The following SV2B variants were observed in gnomAD, a reference collection of about 807,000 sequenced individuals.
The protein encoded by SV2B is synaptic vesicle glycoprotein 2B, also known as solute carrier family 22 member B2.
Under a neutral mutation model 73.9 loss-of-function variants are expected in SV2B, and 41 were observed. The observed-to-expected ratio is 0.56, with a 90% CI of 0.43 to 0.72. The LOEUF is 0.72. Ranked by LOEUF, SV2B falls within the 30% of genes least tolerant of loss-of-function variation. SV2B has a pLI of 0.00. For missense variants in SV2B, 764 were observed against 857.8 expected (o/e 0.89, Z 1.37); for synonymous variants, 314 against 314.2 (o/e 1.00, Z 0.01).
In SV2B at chr15:91,218,331, G is replaced by T. The variant is rs2046103810; in HGVS notation, c.-391-7542G>T. On this transcript the variant is annotated intron_variant, in intron 1 of 12. Coordinates refer to ENST00000394232, the MANE Select transcript of SV2B (RefSeq NM_001323032.3). ...TATTCTTTTCCTGTGGGTATAGGGT[G>T]GGCACTTCTGGAATGAAGATTTTAT... Among the ~76,000 whole-genome samples, 3 of 152,212 alleles carry T rather than the reference G, an allele frequency of 2.0e-5. No homozygotes were observed. In the South Asian group the frequency reaches 6.2e-4, roughly 32 times the overall value.
rs1251718061 is a variant in SV2B, at chr15:91,105,521, G to C, written c.-392+5158G>C. ...GAGAAGAGATCAGAGAAGTAGCAGG[G>C]AGCCAGCTAATAGAAGGTCCTGTAG... is the stretch of plus-strand genomic sequence containing the variant. On this transcript the variant is annotated intron_variant, in intron 1 of 12. Coordinates refer to ENST00000394232, the MANE Select transcript of SV2B (RefSeq NM_001323032.3). The surrounding 1 kb of genome is among the most constrained non-coding windows in gnomAD (Gnocchi z 5.5). Among the ~76,000 whole-genome samples the C allele has an allele frequency of 6.6e-6, 1 of 152,172 alleles. No homozygotes were observed. The highest frequency in any genetic ancestry group is 1.9e-4 in the East Asian group (1 of 5,194).
rs1399773884 is a variant in SV2B at position 91,280,742 on chromosome 15, GT to G, written c.1374-982del. ...GGTGCCTTATTGTCTTTTTAACTGAGTTTTAAAAAAAAGTGAACACATAATA... is the reference window on the plus strand; with the variant it reads ...GGTGCCTTATTGTCTTTTTAACTGAGTTTAAAAAAAAGTGAACACATAATA... On this transcript the variant is annotated intron_variant, in intron 9 of 12. Transcript: ENST00000394232. This position sits in a 1 kb window ranked among gnomAD's most constrained non-coding sequence, Gnocchi z 5.8. Among the ~76,000 whole-genome samples the G allele has an allele frequency of 6.6e-6, 1 of 152,090 alleles. No homozygotes were observed. Among genetic ancestry groups the G allele is most frequent in the Non-Finnish European group, 1.5e-5 (1 of 68,010 alleles).
At chr15:91,260,777 C>T (rs566228757) in intron 6 of SV2B, among the ~76,000 whole-genome samples, 5 of 152,190 alleles carry the variant, frequency 3.3e-5, no homozygotes, top group South Asian at 2.1e-4. Flanking sequence ...AGAATCATGG[C>T]GGGAGGCGAA....
intron 1 of SV2B, among the ~76,000 whole-genome samples, chr15:91,210,998 G>T: frequency 6.6e-6 from 1 of 152,226 alleles, no homozygotes. Context: ...ATCAATGCCT[G>T]CCATTGATGA....
chr15:91,104,853 A>T (rs2041836738), intron 1 of SV2B, among the ~76,000 whole-genome samples: 1 of 152,134 alleles, frequency 6.6e-6, no homozygotes, highest in Non-Finnish European at 1.5e-5. Context: ...GCTGGTCTCA[A>T]ACTCCTGACC....
intron 1 of SV2B, among the ~76,000 whole-genome samples, chr15:91,134,003 C>CGTTTTTTTTTTTT (rs1567278795): frequency 2.0e-5 from 1 of 49,318 alleles, no homozygotes; most frequent in Non-Finnish European, 4.0e-5. Context: ...TTTCTTTCTT[C>CGTTTTTTTTTTTT]CTTTTTTTTT....
Position 91,289,670 on chromosome 15 carries a change from A to G in SV2B, c.1858A>G (p.Thr620Ala), listed in dbSNP as rs771308440. 9 of 1,612,826 alleles carry G rather than the reference A, an allele frequency of 5.6e-6. No homozygotes were observed. The East Asian group carries it at 1.8e-4, about 32-fold the overall frequency. ...LDVITVELYP[T>A]NQRATAFGIL... ...TGTGATCACAGTGGAGCTGTATCCC[A>G]CCAACCAGAGGTCAGTTCTTCCCCA... The change falls in exon 12 of 13, where the codon ACC becomes GCC. Residue 620 changes from threonine (T) to alanine (A), a missense_variant. By Grantham distance (58) the Thr-to-Ala change is moderately conservative (BLOSUM62 0). Transcript: ENST00000394232. The surrounding 1 kb of genome is among the most constrained non-coding windows in gnomAD (Gnocchi z 4.9).
chr15:91,187,711 A>G (rs1205154956), intron 1 of SV2B, among the ~76,000 whole-genome samples: 2 of 151,878 alleles, frequency 1.3e-5, no homozygotes, highest in African/African-American at 4.8e-5. Context: ...CCTTGCTGCA[A>G]TGATAAGTAG....
intron 1 of SV2B, among the ~76,000 whole-genome samples, chr15:91,119,681 A>G (rs2042273675): frequency 6.6e-6 from 1 of 152,246 alleles, no homozygotes; most frequent in Non-Finnish European, 1.5e-5. Flanking sequence ...GTTGCATTGT[A>G]GAAAGCTTGT....
intron 1 of SV2B, among the ~76,000 whole-genome samples, chr15:91,159,721 A>G (rs898260976): frequency 6.6e-6 from 1 of 152,220 alleles, no homozygotes; most frequent in Non-Finnish European, 1.5e-5. Context: ...ATGAAAATAA[A>G]TGATTTGACT....
In SV2B at chr15:91,267,654, TCTTA is replaced by T. The variant is rs760766931; in HGVS notation, c.1208+16_1208+19del. The stretch of plus-strand genomic sequence containing the variant: ...TGCCATGGCATTCAGGTAAGTTCTG[TCTTA>T]CTTAAATTTCGTAATTCCCTGTGCC... On this transcript the variant is annotated intron_variant, in intron 8 of 12. Transcript: ENST00000394232. The surrounding 1 kb of genome is among the most constrained non-coding windows in gnomAD (Gnocchi z 4.3). 6 of 1,606,688 alleles carry T rather than the reference TCTTA, an allele frequency of 3.7e-6. No individual in the cohort carries two copies. The highest frequency in any genetic ancestry group is 5.1e-6 in the Non-Finnish European group (6 of 1,175,490).
At position 91,301,916 on chromosome 15, in the gene SV2B, C is replaced by T. The variant is rs1125405; in HGVS notation, c.*9364C>T. 6.5e-3 allele frequency among the ~76,000 whole-genome samples: 997 copies of T among 152,278 alleles called. 3 individuals carry two copies. Among genetic ancestry groups the T allele is most frequent in the Non-Finnish European group, 0.011 (724 of 68,012 alleles). On this transcript the variant is annotated 3_prime_UTR_variant, in exon 13 of 13. Coordinates refer to ENST00000394232, the MANE Select transcript of SV2B (RefSeq NM_001323032.3). The surrounding 1 kb of genome is among the most constrained non-coding windows in gnomAD (Gnocchi z 4.3). ...TGGATTTGGATTTGGAATGCTCAACCTGTTTTCAGAGTCAGAGCCAAGTTC... is the reference window on the plus strand; with the variant it reads ...TGGATTTGGATTTGGAATGCTCAACTTGTTTTCAGAGTCAGAGCCAAGTTC...
At chr15:91,168,386 G>A (rs1251149328) in intron 1 of SV2B, among the ~76,000 whole-genome samples, 3 of 151,608 alleles carry the variant, frequency 2.0e-5, no homozygotes. Context: ...TCTGGCCAAT[G>A]AGTAGGATTT....
intron 9 of SV2B, among the ~76,000 whole-genome samples, chr15:91,270,056 G>A (rs1440598391): frequency 6.6e-6 from 1 of 152,124 alleles, no homozygotes; most frequent in Admixed American, 6.5e-5. Context: ...TGCCAAGGAA[G>A]AAATATCACC....
rs544722878 is a variant in SV2B at position 91,201,047 on chromosome 15, A to G, written c.-391-24826A>G. 3.0e-4 allele frequency among the ~76,000 whole-genome samples: 45 copies of G among 152,326 alleles called. No individual in the cohort carries two copies. In the South Asian group the frequency reaches 9.1e-3, roughly 31 times the overall value. The stretch of plus-strand genomic sequence containing the variant: ...CCATTTTATGTTTGGCTTTTGCTGC[A>G]TTATTGGCTATACTTTCAGTAAAAT... On this transcript the variant is annotated intron_variant, in intron 1 of 12. Transcript: ENST00000394232.
At chr15:91,103,243 A>G (rs2041786706) in intron 1 of SV2B, among the ~76,000 whole-genome samples, 1 of 152,180 alleles carries the variant, frequency 6.6e-6, no homozygotes, top group African/African-American at 2.4e-5. Flanking sequence ...GAAGCACAGG[A>G]ATTAAGGACA....
rs1456574648 is a variant in SV2B at position 91,224,987 on chromosome 15, AAAG to A, written c.-391-882_-391-880del. On this transcript the variant is annotated intron_variant, in intron 1 of 12. Coordinates refer to ENST00000394232, the MANE Select transcript of SV2B (RefSeq NM_001323032.3). The surrounding 1 kb of genome is among the most constrained non-coding windows in gnomAD (Gnocchi z 4.9). ...TCCAGAATTGGAACTAGGGGAAAAA[AAAG>A]AAGCAACACTCATGTCAAGGCTTAA... Among the ~76,000 whole-genome samples the A allele has an allele frequency of 6.6e-6, 1 of 152,202 alleles. No individual in the cohort carries two copies. Among genetic ancestry groups the A allele is most frequent in the African/African-American group, 2.4e-5 (1 of 41,446 alleles).
chr15:91,275,610 A>C (rs1353654476), intron 9 of SV2B, among the ~76,000 whole-genome samples: 1 of 152,188 alleles, frequency 6.6e-6, no homozygotes, highest in African/African-American at 2.4e-5. Flanking sequence ...GGAATGCCTG[A>C]GCTCAGGAGT....
In SV2B at chr15:91,267,654, T is replaced by C; in HGVS notation, c.1208+11T>C. ...TGCCATGGCATTCAGGTAAGTTCTG[T>C]CTTACTTAAATTTCGTAATTCCCTG... On this transcript the variant is annotated intron_variant, in intron 8 of 12. Transcript: ENST00000394232. This position sits in a 1 kb window ranked among gnomAD's most constrained non-coding sequence, Gnocchi z 4.3. 1 of 1,606,688 alleles carries C rather than the reference T, an allele frequency of 6.2e-7. No homozygotes were observed. Among genetic ancestry groups the C allele is most frequent in the Non-Finnish European group, 8.5e-7 (1 of 1,175,490 alleles).
Sources: gnomAD v4.1 joint callset for allele counts (sites outside exome capture counted in the v4.1 genomes callset) on GRCh38, gnomAD v4.1.1 for gene constraint, Gnocchi (gnomAD v3.1) non-coding constraint, MANE v1.5 for transcripts, NCBI Gene and HGNC (gene_info 2026-07-23, HGNC 2026-07-21) for gene names.